GABRA2: variants seen among roughly 807,000 people sequenced by gnomAD.
GABRA2 encodes the protein gamma-aminobutyric acid type A receptor subunit alpha2.
In GABRA2, 16 loss-of-function variants were observed where a neutral mutation model predicts 48.7. That is an observed-to-expected ratio of 0.33 (90% CI 0.22 to 0.50). GABRA2 has a LOEUF of 0.50. Ranked by LOEUF, GABRA2 falls within the 20% of genes least tolerant of loss-of-function variation. The pLI is 0.98. For synonymous variants in GABRA2, 185 were observed against 184.5 expected (o/e 1.00, Z -0.02); for missense variants, 275 against 535.6 (o/e 0.51, Z 4.80).
intron 8 of GABRA2, among the ~76,000 whole-genome samples, chr4:46,264,553 A>G (rs1253051771): frequency 6.6e-6 from 1 of 151,998 alleles, no homozygotes; most frequent in African/African-American, 2.4e-5. Flanking sequence ...ATGCTATGTA[A>G]TCCTTTTAAA....
intron 8 of GABRA2, among the ~76,000 whole-genome samples, chr4:46,297,246 G>A (rs144647695): frequency 6.6e-6 from 1 of 151,874 alleles, no homozygotes; most frequent in Non-Finnish European, 1.5e-5. Flanking sequence ...CATCTAATCA[G>A]CTGCCAGTGC....
intron 8 of GABRA2, among the ~76,000 whole-genome samples, chr4:46,273,324 T>C (rs1349974893): frequency 6.6e-6 from 1 of 151,384 alleles, no homozygotes; most frequent in African/African-American, 2.4e-5. Context: ...TCTTGGCCAT[T>C]ATTACCTCAA....
chr4:46,374,207 C>T (rs1373957402), intron 3 of GABRA2, among the ~76,000 whole-genome samples: 1 of 152,082 alleles, frequency 6.6e-6, no homozygotes, highest in Non-Finnish European at 1.5e-5. Flanking sequence ...ATCTTAGTAA[C>T]TCAGCATCTT....
At chr4:46,323,755 C>T (rs535929352) in intron 4 of GABRA2, among the ~76,000 whole-genome samples, 14 of 149,986 alleles carry the variant, frequency 9.3e-5, no homozygotes, top group South Asian at 2.1e-4. Context: ...AAGGTATGAA[C>T]GCCATGTGGT....
intron 4 of GABRA2, among the ~76,000 whole-genome samples, chr4:46,331,422 C>T (rs975621995): frequency 6.6e-6 from 1 of 152,042 alleles, no homozygotes; most frequent in African/African-American, 2.4e-5. Flanking sequence ...CTAACGGAAA[C>T]GTAGGGAGCT....
intron 3 of GABRA2, among the ~76,000 whole-genome samples, chr4:46,351,333 A>G (rs555316840): frequency 1.3e-5 from 2 of 152,138 alleles, no homozygotes; most frequent in East Asian, 3.9e-4. Flanking sequence ...AAATAAAGAT[A>G]ACTATTAAAT....
At chr4:46,339,189 G>C (rs1375122472) in intron 3 of GABRA2, among the ~76,000 whole-genome samples, 3 of 151,622 alleles carry the variant, frequency 2.0e-5, no homozygotes, top group Admixed American at 6.6e-5. Context: ...GTAGACATGA[G>C]ACACATGTGG....
intron 1 of GABRA2, 158 bp from the exon 2 acceptor site, chr4:46,388,874 C>A (rs973569384): frequency 3.7e-6 from 5 of 1,343,648 alleles, no homozygotes; most frequent in East Asian, 5.8e-5. Context: ...GATTGAGAGA[C>A]GATTTCTTTT....
chr4:46,268,333 A>G (rs1718656325), intron 8 of GABRA2, among the ~76,000 whole-genome samples: 1 of 152,016 alleles, frequency 6.6e-6, no homozygotes, highest in African/African-American at 2.4e-5. Flanking sequence ...ATAAAAACTC[A>G]AACACCTCTA....
At chr4:46,266,328 A>G (rs1175530611) in intron 8 of GABRA2, among the ~76,000 whole-genome samples, 1 of 148,044 alleles carries the variant, frequency 6.8e-6, no homozygotes, top group Non-Finnish European at 1.5e-5. Context: ...AAATAAATAT[A>G]AAATAAATTT....
intron 8 of GABRA2, 107 bp downstream of exon 8, chr4:46,303,353 C>T (rs538451128): frequency 1.9e-5 from 21 of 1,114,380 alleles, no homozygotes; most frequent in East Asian, 7.4e-5. Flanking sequence ...CAATACTCCC[C>T]GCCCCACCTA....
At chr4:46,361,844 A>T (rs1337526650) in intron 3 of GABRA2, among the ~76,000 whole-genome samples, 1 of 152,220 alleles carries the variant, frequency 6.6e-6, no homozygotes, top group Non-Finnish European at 1.5e-5. Flanking sequence ...GTCAAAGGAG[A>T]TCATTTTGAA....
At chr4:46,271,981 C>T (rs1719426434) in intron 8 of GABRA2, among the ~76,000 whole-genome samples, 1 of 151,750 alleles carries the variant, frequency 6.6e-6, no homozygotes, top group African/African-American at 2.4e-5. Context: ...ATTTAGCTAC[C>T]TTCTATGTCT....
At chr4:46,336,757 TA>T (rs1444251533) in intron 3 of GABRA2, among the ~76,000 whole-genome samples, 1 of 152,132 alleles carries the variant, frequency 6.6e-6, no homozygotes, top group Non-Finnish European at 1.5e-5. Context: ...AATGTATTCC[TA>T]ATATTTCATT....
intron 9 of GABRA2, among the ~76,000 whole-genome samples, chr4:46,257,061 A>C (rs1029110497): frequency 2.0e-5 from 3 of 151,682 alleles, no homozygotes; most frequent in Non-Finnish European, 4.4e-5. Context: ...TACTGTGCTA[A>C]GTAACAGTAG....
At chr4:46,268,786 C>A (rs1280732728) in intron 8 of GABRA2, among the ~76,000 whole-genome samples, 1 of 151,762 alleles carries the variant, frequency 6.6e-6, no homozygotes, top group African/African-American at 2.4e-5. Flanking sequence ...TGGGATCAAC[C>A]TAAGTATCTA....
At chr4:46,337,632 T>C (rs1732479624) in intron 3 of GABRA2, among the ~76,000 whole-genome samples, 1 of 138,074 alleles carries the variant, frequency 7.2e-6, no homozygotes, top group Admixed American at 7.7e-5. Context: ...GTTTGGAAGA[T>C]GATGCCATTG....
At chr4:46,309,178 C>A (rs897849988) in intron 6 of GABRA2, among the ~76,000 whole-genome samples, 2 of 152,054 alleles carry the variant, frequency 1.3e-5, no homozygotes, top group Non-Finnish European at 2.9e-5. Context: ...CAAGAACAAA[C>A]AAGATTGCAG....
chr4:46,265,488 A>T (rs532931986), intron 8 of GABRA2, among the ~76,000 whole-genome samples: 11 of 21,748 alleles, frequency 5.1e-4, no homozygotes, highest in South Asian at 3.6e-3. Flanking sequence ...TGTATATATT[A>T]TATATATATA....
Sources: gnomAD v4.1 joint callset for allele counts (sites outside exome capture counted in the v4.1 genomes callset) on GRCh38, gnomAD v4.1.1 for gene constraint, MANE v1.5 for transcripts, NCBI Gene and HGNC (gene_info 2026-07-23, HGNC 2026-07-21) for gene names.